The following EHBP1 variants were observed in gnomAD, a reference collection of about 807,000 sequenced individuals.
EHBP1 encodes EH domain-binding protein 1.
A neutral mutation model predicts 144.0 loss-of-function variants in EHBP1; 55 were observed. The ratio of observed to expected loss-of-function variants is 0.38; its 90% CI spans 0.31 to 0.48. The LOEUF is 0.48. Among genes scored for constraint, EHBP1 ranks in the 20% least tolerant of loss-of-function variants. The pLI, the probability that EHBP1 is intolerant of heterozygous loss-of-function variation, is 0.98. For synonymous variants in EHBP1, 469 were observed against 472.7 expected, an observed-to-expected ratio of 0.99 and a Z score of 0.10; for missense variants, 1,200 against 1,364.2, an observed-to-expected ratio of 0.88 and a Z score of 1.90.
chr2:62,696,393 C>T (rs917685226), intron 1 of EHBP1, among the ~76,000 whole-genome samples: 1 of 150,990 alleles, frequency 6.6e-6, no homozygotes, highest in African/African-American at 2.4e-5. Flanking sequence ...CTGGTCTACC[C>T]ACCTTGGCCT....
At chr2:62,969,039 C>CTA (rs1177157756) in intron 14 of EHBP1, among the ~76,000 whole-genome samples, 1 of 152,012 alleles carries the variant, frequency 6.6e-6, no homozygotes, top group Non-Finnish European at 1.5e-5. Flanking sequence ...TTTTTTTAAA[C>CTA]TAAGAAGTTA....
chr2:62,950,711 G>A (rs2057328425), intron 13 of EHBP1, among the ~76,000 whole-genome samples: 1 of 151,678 alleles, frequency 6.6e-6, no homozygotes, highest in Admixed American at 6.6e-5. Flanking sequence ...TTGAAACAGA[G>A]TTTCACTCTT....
rs542875942 is a variant in EHBP1, at chr2:62,950,885, A to G, written c.2316+1723A>G. Among the ~76,000 whole-genome samples the G allele has an allele frequency of 1.5e-3, 224 of 152,182 alleles. 2 individuals are homozygous for G. The highest frequency in any genetic ancestry group is 3.4e-3 in the Middle Eastern group (1 of 294). ...TTTTTAGTAGAGACGGTGTTTCTCC[A>G]TGTTGGTCAGGCTGGTCTCAAACTC... On this transcript the variant is annotated intron_variant, in intron 13 of 22. Transcript: ENST00000431489.
chr2:62,771,364 A>G lies in EHBP1; in HGVS notation c.284A>G (p.Asp95Gly), dbSNP rs1401246170. ...GATCCTCATGCGGAAGAATTTGAAG[A>G]CAAAGAGTGGACATTTGTCATAGAA... ...FKDPHAEEFEDKEWTFVIENE... is the reference protein window; with the variant it reads ...FKDPHAEEFEGKEWTFVIENE... Residue 95 changes from aspartate (D) to glycine (G), a missense_variant, in exon 5 of 23, where the codon GAC becomes GGC. By Grantham distance (94) the Asp-to-Gly change is moderately conservative. Around this residue, in one of 6 missense-constraint regions of EHBP1, gnomAD observed 137 missense variants for 190.1 expected, o/e 0.72. Coordinates refer to ENST00000431489, the MANE Select transcript of EHBP1 (RefSeq NM_001142616.3). 9 of 1,592,778 alleles carry G rather than the reference A, an allele frequency of 5.7e-6. No individual in the cohort carries two copies. The highest frequency in any genetic ancestry group is 2.7e-5 in the African/African-American group (2 of 74,176).
At chr2:62,921,863 T>C (rs2055117923) in intron 10 of EHBP1, among the ~76,000 whole-genome samples, 1 of 152,192 alleles carries the variant, frequency 6.6e-6, no homozygotes, top group African/African-American at 2.4e-5. Context: ...TACAGTTAAA[T>C]GAGCTAGAGA....
At chr2:63,028,531 T>A (rs2153330006) in intron 19 of EHBP1, among the ~76,000 whole-genome samples, 1 of 152,068 alleles carries the variant, frequency 6.6e-6, no homozygotes, top group East Asian at 1.9e-4. Context: ...GCCTCCTGAG[T>A]ACCTGATACT....
chr2:62,966,361 A>C (rs1407843990), intron 14 of EHBP1, among the ~76,000 whole-genome samples: 4 of 152,194 alleles, frequency 2.6e-5, no homozygotes, highest in Non-Finnish European at 1.5e-5. Context: ...AGAGCACTTA[A>C]GTTACATCAA....
intron 7 of EHBP1, among the ~76,000 whole-genome samples, chr2:62,842,090 A>T (rs1179369877): frequency 6.6e-6 from 1 of 151,104 alleles, no homozygotes; most frequent in Non-Finnish European, 1.5e-5. Context: ...TGCTCCCTCA[A>T]AGCCTTTTTT....
chr2:62,799,665 TG>T (rs1354035118), intron 5 of EHBP1, among the ~76,000 whole-genome samples: 1 of 152,198 alleles, frequency 6.6e-6, no homozygotes, highest in Non-Finnish European at 1.5e-5. Flanking sequence ...ACTATGAAGT[TG>T]GGGCATCAGT....
At chr2:62,766,766 A>G (rs1017593498) in intron 4 of EHBP1, among the ~76,000 whole-genome samples, 1 of 152,038 alleles carries the variant, frequency 6.6e-6, no homozygotes, top group Non-Finnish European at 1.5e-5. Context: ...AAGAAGTAGT[A>G]TGTCATTTTC....
chr2:62,904,256 C>G (rs2053630944), intron 10 of EHBP1, among the ~76,000 whole-genome samples: 1 of 152,194 alleles, frequency 6.6e-6, no homozygotes, highest in Non-Finnish European at 1.5e-5. Flanking sequence ...ACATCTTGAG[C>G]AGGTGAAATA....
At chr2:62,741,466 G>A (rs2038701522) in intron 2 of EHBP1, among the ~76,000 whole-genome samples, 1 of 152,138 alleles carries the variant, frequency 6.6e-6, no homozygotes, top group Non-Finnish European at 1.5e-5. Flanking sequence ...GGAGACAAAT[G>A]TCCTTGCCTC....
chr2:63,035,763 A>G (rs1424240136), intron 19 of EHBP1, among the ~76,000 whole-genome samples: 2 of 152,182 alleles, frequency 1.3e-5, no homozygotes, highest in African/African-American at 2.4e-5. Flanking sequence ...CCAGGGTACA[A>G]TTGGCCTTTT....
At chr2:62,734,215 A>G (rs1262190227) in intron 2 of EHBP1, among the ~76,000 whole-genome samples, 1 of 151,522 alleles carries the variant, frequency 6.6e-6, no homozygotes, top group Non-Finnish European at 1.5e-5. Flanking sequence ...TTTTGAATAT[A>G]GTTTATCAAT....
intron 15 of EHBP1, among the ~76,000 whole-genome samples, chr2:62,984,931 A>G (rs2059124389): frequency 6.6e-6 from 1 of 152,206 alleles, no homozygotes; most frequent in African/African-American, 2.4e-5. Context: ...GAAAGAACCC[A>G]TATACAACCA....
chr2:62,957,641 C>CTTTTTTTTTTTT lies in EHBP1; in HGVS notation c.2460+1992_2460+2003dup, dbSNP rs1157397512. 3.0e-3 allele frequency among the ~76,000 whole-genome samples: 261 copies of CTTTTTTTTTTTT among 87,160 alleles called. 34 individuals are homozygous for CTTTTTTTTTTTT. The highest frequency in any genetic ancestry group is 0.011 in the Middle Eastern group (1 of 88). The allele number at this position is 87,160 out of a possible 152,430, so 57.2% of individuals were successfully genotyped here. A position where few individuals can be genotyped will look rare whatever the true frequency, so the allele number is the denominator to read the frequency against. On this transcript the variant is annotated intron_variant, in intron 14 of 22. Transcript: ENST00000431489. ...TAAAATTAATATTTGAAAATAAATGCTTTTTTTTTTTTTTTTTTTTTTGAG... is the reference window on the plus strand; with the variant it reads ...TAAAATTAATATTTGAAAATAAATGCTTTTTTTTTTTTTTTTTTTTTTTTTTTTTTTTTTGAG...
intron 15 of EHBP1, among the ~76,000 whole-genome samples, chr2:62,990,328 AACT>A (rs1222833262): frequency 6.6e-6 from 1 of 152,176 alleles, no homozygotes; most frequent in Non-Finnish European, 1.5e-5. Context: ...ACTAAAAGAA[AACT>A]ACAAAATAAT....
In EHBP1 at chr2:62,764,290, A is replaced by G; in HGVS notation, c.187A>G (p.Lys63Glu). 2.5e-6 allele frequency: 4 copies of G among 1,570,102 alleles called. No homozygotes were observed. Among genetic ancestry groups the G allele is most frequent in the Non-Finnish European group, 3.4e-6 (4 of 1,160,872 alleles). Reference protein sequence around the residue: ...SKAHSWQPGIKNPYRGVVVWP... With the variant: ...SKAHSWQPGIENPYRGVVVWP... ...GGCACATAGCTGGCAACCTGGAATA[A>G]AAAATCCCTATCGTGGTGTTGTTGT... Residue 63 changes from lysine to glutamate, a missense_variant, in exon 4 of 23, where the codon AAA (lysine) becomes GAA (glutamate). Physicochemically the swap from Lys to Glu is moderately conservative, Grantham distance 56 (BLOSUM62 1). Around this residue, in one of 6 missense-constraint regions of EHBP1, gnomAD observed 137 missense variants for 190.1 expected, o/e 0.72. Coordinates refer to ENST00000431489, the MANE Select transcript of EHBP1 (RefSeq NM_001142616.3).
chr2:62,818,619 G>A (rs2045625791), intron 5 of EHBP1, among the ~76,000 whole-genome samples: 1 of 152,094 alleles, frequency 6.6e-6, no homozygotes, highest in Non-Finnish European at 1.5e-5. Context: ...AAGAAGAACT[G>A]CTCAAAATTC....
Sources: allele counts gnomAD v4.1 joint callset (sites outside exome capture counted in the v4.1 genomes callset), GRCh38; gene constraint gnomAD v4.1.1; regional missense constraint gnomAD v4.1.1; transcripts MANE v1.5; gene names NCBI Gene and HGNC (gene_info 2026-07-23, HGNC 2026-07-21).